Variants in PREX2 observed in about 807,000 individuals in gnomAD.
PREX2 encodes the protein phosphatidylinositol 3,4,5-trisphosphate-dependent Rac exchanger 2 protein.
Under a neutral mutation model 203.2 loss-of-function variants are expected in PREX2, and 107 were observed. The observed-to-expected ratio is 0.53, with a 90% CI of 0.45 to 0.62. The LOEUF (loss-of-function observed/expected upper bound fraction) is 0.62, where lower values mean the gene tolerates loss of function less well. PREX2 is among the 20% of genes least tolerant of loss of function. PREX2 has a pLI of 0.00. For missense variants in PREX2, 1,777 were observed against 1,955.9 expected, an observed-to-expected ratio of 0.91 and a Z score of 1.72; for synonymous variants, 672 against 663.6, an observed-to-expected ratio of 1.01 and a Z score of -0.19.
At chr8:68,162,158 T>G (rs1811669225) in intron 35 of PREX2, among the ~76,000 whole-genome samples, 1 of 152,198 alleles carries the variant, frequency 6.6e-6, no homozygotes, top group Non-Finnish European at 1.5e-5. Flanking sequence ...AGATTTAGGT[T>G]GGGACACAGC....
At chr8:68,101,306 G>C in intron 23 of PREX2, 1 of 516,582 alleles carries the variant, frequency 1.9e-6, no homozygotes, top group Non-Finnish European at 3.9e-6. Flanking sequence ...TGAGTCAAGG[G>C]AAAAGAGATC....
chr8:67,965,847 G>C (rs1805759457), intron 1 of PREX2, among the ~76,000 whole-genome samples: 2 of 152,010 alleles, frequency 1.3e-5, no homozygotes, highest in Admixed American at 6.6e-5. Context: ...ATGATTTTTA[G>C]GGTCCAAAAA....
In PREX2 at chr8:67,952,352, C is replaced by G; in HGVS notation, c.-43C>G. On this transcript the variant is annotated 5_prime_UTR_variant, in exon 1 of 40. Coordinates refer to ENST00000288368, the MANE Select transcript of PREX2 (RefSeq NM_024870.4). ...GCAGCAGCGGGCGCGCGGGTCAGCG[C>G]TCAGCACGGCGGGCAGCGCCGCGCT... 6.8e-7 allele frequency: 1 copy of G among 1,464,324 alleles called. No homozygotes were observed. Among genetic ancestry groups the G allele is most frequent in the Non-Finnish European group, 9.0e-7 (1 of 1,111,540 alleles). The allele number at this position is 1,464,324 out of a possible 1,614,324, so 90.7% of individuals were successfully genotyped here. A position where few individuals can be genotyped will look rare whatever the true frequency, so the allele number is the denominator to read the frequency against.
Position 68,065,947 on chromosome 8 carries a change from A to G in PREX2, c.1340-3086A>G, listed in dbSNP as rs925443135. On this transcript the variant is annotated intron_variant, in intron 11 of 39. Transcript: ENST00000288368. ...TTGACAAATATTTATGGTATACAAC[A>G]TGTTTTGAAATATGTGTAAATTGTG... Among the ~76,000 whole-genome samples, 5 of 152,180 alleles carry G rather than the reference A, an allele frequency of 3.3e-5. No individual in the cohort carries two copies. The East Asian group carries it at 9.6e-4, about 29-fold the overall frequency.
At chr8:68,063,072 G>A (rs1198866607) in intron 11 of PREX2, among the ~76,000 whole-genome samples, 2 of 152,126 alleles carry the variant, frequency 1.3e-5, no homozygotes, top group African/African-American at 4.8e-5. Context: ...TTATACGGCT[G>A]CTTTTAGCAT....
intron 35 of PREX2, among the ~76,000 whole-genome samples, chr8:68,162,091 A>G (rs952969218): frequency 2.0e-5 from 3 of 152,098 alleles, no homozygotes; most frequent in Admixed American, 6.6e-5. Flanking sequence ...CCATAATTCA[A>G]TTACCTCCCA....
At chr8:67,965,722 G>A (rs374621752) in intron 1 of PREX2, among the ~76,000 whole-genome samples, 4 of 152,232 alleles carry the variant, frequency 2.6e-5, no homozygotes, top group African/African-American at 9.6e-5. Flanking sequence ...ACAGGATAGA[G>A]GAGGGAGAGT....
intron 37 of PREX2, among the ~76,000 whole-genome samples, chr8:68,195,524 T>C (rs890789249): frequency 1.3e-5 from 2 of 152,216 alleles, no homozygotes; most frequent in African/African-American, 4.8e-5. Flanking sequence ...TTTTTCATGA[T>C]GATAAGATAT....
At chr8:68,008,687 A>G (rs4131010) in intron 1 of PREX2, among the ~76,000 whole-genome samples, 69,301 of 152,056 alleles carry the variant, frequency 0.46, 19,994 homozygotes, top group African/African-American at 0.83. Flanking sequence ...GGACCTGGTG[A>G]GAGGTGATAG....
intron 38 of PREX2, among the ~76,000 whole-genome samples, chr8:68,221,407 T>C (rs1320090589): frequency 1.3e-5 from 2 of 152,220 alleles, no homozygotes; most frequent in African/African-American, 4.8e-5. Flanking sequence ...GCCTCTTTGG[T>C]ACTTAGTTTC....
chr8:68,130,276 C>G (rs1013055467), intron 31 of PREX2, among the ~76,000 whole-genome samples: 1 of 134,164 alleles, frequency 7.5e-6, no homozygotes, highest in African/African-American at 2.9e-5. Context: ...GGTGACAGAG[C>G]AAGATGCTCT....
At chr8:68,193,667 A>T (rs1812339961) in intron 37 of PREX2, among the ~76,000 whole-genome samples, 1 of 152,250 alleles carries the variant, frequency 6.6e-6, no homozygotes, top group African/African-American at 2.4e-5. Flanking sequence ...AAGAAGACAT[A>T]AATGGTCTAG....
At chr8:67,987,299 T>C (rs1021478935) in intron 1 of PREX2, among the ~76,000 whole-genome samples, 6 of 152,216 alleles carry the variant, frequency 3.9e-5, no homozygotes, top group African/African-American at 1.4e-4. Flanking sequence ...GCAAGGTATT[T>C]GGCTATCAAC....
At chr8:67,961,810 A>G (rs952624165) in intron 1 of PREX2, among the ~76,000 whole-genome samples, 3 of 152,206 alleles carry the variant, frequency 2.0e-5, no homozygotes, top group African/African-American at 7.2e-5. Flanking sequence ...AGCCTTACAT[A>G]TAACGGAGCA....
At chr8:68,194,347 A>G (rs1359722406) in intron 37 of PREX2, among the ~76,000 whole-genome samples, 1 of 152,218 alleles carries the variant, frequency 6.6e-6, no homozygotes, top group Non-Finnish European at 1.5e-5. Context: ...AATAAATCCA[A>G]AAAAGAACAG....
At chr8:68,015,057 A>T (rs1015713571) in intron 1 of PREX2, among the ~76,000 whole-genome samples, 39 of 152,340 alleles carry the variant, frequency 2.6e-4, no homozygotes, top group African/African-American at 9.1e-4. Flanking sequence ...GACAAGTGGG[A>T]ATGAATACAG....
At chr8:68,104,974 A>T (rs1399280410) in intron 23 of PREX2, among the ~76,000 whole-genome samples, 1 of 152,024 alleles carries the variant, frequency 6.6e-6, no homozygotes, top group Non-Finnish European at 1.5e-5. Context: ...TGTTTTGTTA[A>T]CCTTTCCCTG....
chr8:68,191,380 G>T (rs888999999), intron 35 of PREX2, among the ~76,000 whole-genome samples: 9 of 152,050 alleles, frequency 5.9e-5, no homozygotes, highest in Admixed American at 1.3e-4. Context: ...CACTTATTCT[G>T]TGCTGTGCAC....
chr8:68,001,617 G>A (rs1172279622), intron 1 of PREX2, among the ~76,000 whole-genome samples: 1 of 152,056 alleles, frequency 6.6e-6, no homozygotes, highest in Non-Finnish European at 1.5e-5. Context: ...GGAATATAAA[G>A]CATTCTACCA....
Sources: gnomAD v4.1 joint callset for allele counts (sites outside exome capture counted in the v4.1 genomes callset) on GRCh38, gnomAD v4.1.1 for gene constraint, MANE v1.5 for transcripts, NCBI Gene and HGNC (gene_info 2026-07-23, HGNC 2026-07-21) for gene names.